The following MDGA2 variants were observed in gnomAD, a reference collection of about 807,000 sequenced individuals.
The protein encoded by MDGA2 is MAM domain-containing glycosylphosphatidylinositol anchor protein 2.
A neutral mutation model predicts 117.8 loss-of-function variants in MDGA2; 40 were observed. The observed-to-expected ratio is 0.34, with a 90% CI of 0.26 to 0.44. The LOEUF is 0.44. Ranked by LOEUF, MDGA2 falls within the 20% of genes least tolerant of loss-of-function variation. MDGA2 has a pLI of 1.00. For missense variants in MDGA2, 1,123 were observed against 1,250.6 expected (o/e 0.90, Z 1.54); for synonymous variants, 452 against 439.0 (o/e 1.03, Z -0.37).
chr14:47,275,564 C>T (rs947887486), intron 2 of MDGA2, among the ~76,000 whole-genome samples: 7 of 152,038 alleles, frequency 4.6e-5, no homozygotes, highest in Non-Finnish European at 1.0e-4. Flanking sequence ...AGTTACTATC[C>T]TAGATTTAAA....
chr14:47,126,316 A>T (rs2139126600), intron 5 of MDGA2, among the ~76,000 whole-genome samples: 1 of 152,096 alleles, frequency 6.6e-6, no homozygotes, highest in African/African-American at 2.4e-5. Flanking sequence ...CACTGTGTCA[A>T]TTGGTCAGGG....
At chr14:46,895,079 T>A (rs1460145942) in intron 10 of MDGA2, among the ~76,000 whole-genome samples, 1 of 152,148 alleles carries the variant, frequency 6.6e-6, no homozygotes, top group Non-Finnish European at 1.5e-5. Context: ...TAATTAGGGT[T>A]TGAGTTTTTA....
At chr14:47,451,103 C>A (rs1293246281) in intron 1 of MDGA2, among the ~76,000 whole-genome samples, 1 of 152,078 alleles carries the variant, frequency 6.6e-6, no homozygotes, top group East Asian at 1.9e-4. Flanking sequence ...CCTCTGACTC[C>A]TCCTTCATAA....
intron 8 of MDGA2, among the ~76,000 whole-genome samples, chr14:46,999,544 A>G (rs1887428193): frequency 6.6e-6 from 1 of 152,116 alleles, no homozygotes; most frequent in African/African-American, 2.4e-5. Context: ...TCCTCTTTGC[A>G]ATTTATTGAT....
At chr14:47,027,784 C>T (rs1267237037) in intron 8 of MDGA2, among the ~76,000 whole-genome samples, 1 of 151,730 alleles carries the variant, frequency 6.6e-6, no homozygotes, top group African/African-American at 2.4e-5. Flanking sequence ...AGGAAAACGC[C>T]CAGAATGTCA....
chr14:46,854,851 G>A (rs1024435245), intron 15 of MDGA2, among the ~76,000 whole-genome samples, 173 bp downstream of exon 15: 11 of 151,704 alleles, frequency 7.3e-5, no homozygotes, highest in South Asian at 2.1e-4. Context: ...AAGGAAAAGC[G>A]CATTTATCTT....
At chr14:47,641,257 C>G (rs890995181) in intron 1 of MDGA2, among the ~76,000 whole-genome samples, 2 of 152,090 alleles carry the variant, frequency 1.3e-5, no homozygotes, top group African/African-American at 4.8e-5. Flanking sequence ...ATGACCACGT[C>G]TGGTCTAAAG....
In MDGA2 at chr14:47,321,014, C is replaced by T. The variant is rs534014597; in HGVS notation, c.281-19464G>A. On this transcript the variant is annotated intron_variant, in intron 1 of 16. Transcript: ENST00000399232. ...CAGAGGAGTTTCAAGGACATCCTATCGTATATTATGGCAAGGATATGACCG... is the reference window on the plus strand; with the variant it reads ...CAGAGGAGTTTCAAGGACATCCTATTGTATATTATGGCAAGGATATGACCG... 2.6e-5 allele frequency among the ~76,000 whole-genome samples: 4 copies of T among 152,166 alleles called. 1 individual carries two copies. The highest frequency in any genetic ancestry group is 4.2e-4 in the South Asian group (2 of 4,818).
chr14:47,081,747 G>A (rs1471625611), intron 6 of MDGA2, among the ~76,000 whole-genome samples: 1 of 152,056 alleles, frequency 6.6e-6, no homozygotes, highest in Non-Finnish European at 1.5e-5. Context: ...TGCAGTGACT[G>A]CAATTCAGAC....
intron 7 of MDGA2, among the ~76,000 whole-genome samples, chr14:47,049,061 A>G (rs541666100): frequency 6.6e-6 from 1 of 152,226 alleles, no homozygotes; most frequent in Admixed American, 6.6e-5. Flanking sequence ...CCAAGAAAGG[A>G]CATTTCTGTT....
rs550641872 is a variant in MDGA2 at position 47,172,851 on chromosome 14, G to A, written c.596-28577C>T. On this transcript the variant is annotated intron_variant, in intron 3 of 16. Coordinates refer to ENST00000399232, the MANE Select transcript of MDGA2 (RefSeq NM_001113498.3). ...AGGCTTCAGACGATCAAACTACTCC[G>A]AGCTACAGGAGGAAATTCAAACCAA... 6.3e-4 allele frequency among the ~76,000 whole-genome samples: 96 copies of A among 152,252 alleles called. 1 individual carries two copies. Among genetic ancestry groups the A allele is most frequent in the African/African-American group, 2.1e-3 (89 of 41,538 alleles).
In MDGA2 at chr14:47,424,276, T is replaced by C. The variant is rs570762257; in HGVS notation, c.281-122726A>G. On this transcript the variant is annotated intron_variant, in intron 1 of 16. Coordinates refer to ENST00000399232, the MANE Select transcript of MDGA2 (RefSeq NM_001113498.3). ...GTCTCTACAAAAAAATTTTAAAAAT[T>C]AGCTGGTGTGATGGTTTGTGCCTGT... 2.1e-4 allele frequency among the ~76,000 whole-genome samples: 32 copies of C among 152,092 alleles called. No homozygotes were observed. In the South Asian group the frequency reaches 6.2e-3, roughly 30 times the overall value.
chr14:47,044,017 G>C (rs1346498926), intron 7 of MDGA2, among the ~76,000 whole-genome samples: 3 of 151,892 alleles, frequency 2.0e-5, no homozygotes, highest in African/African-American at 7.2e-5. Flanking sequence ...CCTGATGTAA[G>C]CATCAGGGTT....
intron 8 of MDGA2, among the ~76,000 whole-genome samples, chr14:46,960,253 A>C (rs1298687575): frequency 6.6e-6 from 1 of 152,124 alleles, no homozygotes; most frequent in Non-Finnish European, 1.5e-5. Context: ...TTATAGTATA[A>C]TATGGTATAC....
intron 3 of MDGA2, among the ~76,000 whole-genome samples, chr14:47,199,262 A>G (rs1885402880): frequency 6.6e-6 from 1 of 152,080 alleles, no homozygotes; most frequent in African/African-American, 2.4e-5. Flanking sequence ...TGATTTTTTA[A>G]ATAAAGACAC....
intron 5 of MDGA2, among the ~76,000 whole-genome samples, chr14:47,112,277 C>A (rs1881083525): frequency 6.6e-6 from 1 of 152,136 alleles, no homozygotes; most frequent in African/African-American, 2.4e-5. Flanking sequence ...GATACATGTG[C>A]AGGACATGCA....
intron 3 of MDGA2, among the ~76,000 whole-genome samples, chr14:47,177,750 T>C (rs967398465): frequency 6.6e-6 from 1 of 152,010 alleles, no homozygotes; most frequent in Admixed American, 6.6e-5. Context: ...CGTATACATA[T>C]GTAACTAACT....
intron 1 of MDGA2, among the ~76,000 whole-genome samples, chr14:47,385,520 T>C (rs1891736957): frequency 6.6e-6 from 1 of 152,112 alleles, no homozygotes; most frequent in Non-Finnish European, 1.5e-5. Context: ...TATGGAATAA[T>C]AATATTATTA....
chr14:47,312,515 G>A (rs1259407140), intron 1 of MDGA2, among the ~76,000 whole-genome samples: 1 of 151,874 alleles, frequency 6.6e-6, no homozygotes, highest in Non-Finnish European at 1.5e-5. Flanking sequence ...AAACAATATA[G>A]GAAATTTGCA....
Sources: allele counts gnomAD v4.1 joint callset (sites outside exome capture counted in the v4.1 genomes callset), GRCh38; gene constraint gnomAD v4.1.1; transcripts MANE v1.5; gene names NCBI Gene and HGNC (gene_info 2026-07-23, HGNC 2026-07-21).